Variants in TAF11 observed in about 807,000 individuals in gnomAD.
The protein encoded by TAF11 is TATA-box binding protein associated factor 11, also known as transcription initiation factor TFIID subunit 11.
A neutral mutation model predicts 23.0 loss-of-function variants in TAF11; 10 were observed. The observed-to-expected ratio is 0.43, with a 90% confidence interval of 0.27 to 0.74. The LOEUF (loss-of-function observed/expected upper bound fraction) is 0.74. TAF11 is among the 30% of genes least tolerant of loss of function. The probability of loss-of-function intolerance (pLI) is 0.19; values close to 1 mark genes in which losing one functional copy is unlikely to be tolerated. For synonymous variants in TAF11, 85 were observed against 95.8 expected, an observed-to-expected ratio of 0.89 and a Z score of 0.66; for missense variants, 196 against 261.7, an observed-to-expected ratio of 0.75 and a Z score of 1.73.
intron 4 of TAF11, chr6:34,879,471 C>T: frequency 2.1e-6 from 2 of 967,390 alleles, no homozygotes; most frequent in Non-Finnish European, 2.5e-6. Flanking sequence ...GAGACCCTGT[C>T]TCAAAAAATA....
intron 4 of TAF11, 169 bp downstream of exon 4, chr6:34,879,798 T>TTG: frequency 2.0e-6 from 2 of 985,404 alleles, no homozygotes; most frequent in Non-Finnish European, 2.4e-6. Context: ...TTATTGAAAC[T>TTG]TGCAAGGAAT....
rs1292935619 is a variant in TAF11, at chr6:34,880,703, C to T, written c.321-327G>A. ...ACACTGATGGTAAAAATTTAATATA[C>T]AAATTTATAATCAAACCAGTAGTTT... On this transcript the variant is annotated intron_variant, in intron 2 of 4. Coordinates refer to ENST00000361288, the MANE Select transcript of TAF11 (RefSeq NM_005643.4). The surrounding 1 kb of genome is among the most constrained non-coding windows in gnomAD (Gnocchi z 4.8). Among the ~76,000 whole-genome samples, 1 of 152,120 alleles carries T rather than the reference C, an allele frequency of 6.6e-6. No individual in the cohort carries two copies. The highest frequency in any genetic ancestry group is 1.5e-5 in the Non-Finnish European group (1 of 68,024).
chr6:34,886,014 G>A (rs1261039561), intron 1 of TAF11, among the ~76,000 whole-genome samples: 2 of 152,332 alleles, frequency 1.3e-5, no homozygotes, highest in Non-Finnish European at 1.5e-5. Context: ...TGTAATCCCA[G>A]CTACTGGGGA....
Position 34,883,046 on chromosome 6 carries a change from A to G in TAF11, c.206T>C (p.Val69Ala), listed in dbSNP as rs1766470891. The stretch of plus-strand genomic sequence containing the variant: ...AAGTAATGATGAGTCTTCCCTTTCA[A>G]CTGTTGTTAAATCTGAGACATCCTG... ...ESQDVSDLTT[V>A]EREDSSLLNP... is the part of the protein sequence containing the mutation. The change falls in exon 2 of 5, where the codon GTT (valine) becomes GCT (alanine). Residue 69 changes from valine (V) to alanine (A), a missense_variant. Transcript: ENST00000361288. The G allele has an allele frequency of 6.2e-7, 1 of 1,610,508 alleles. No individual in the cohort carries two copies. Among genetic ancestry groups the G allele is most frequent in the Admixed American group, 1.7e-5 (1 of 59,466 alleles).
rs1766329037 is a variant in TAF11, at chr6:34,877,613, T to A, written c.*977A>T. On this transcript the variant is annotated 3_prime_UTR_variant, in exon 5 of 5. Coordinates refer to ENST00000361288, the MANE Select transcript of TAF11 (RefSeq NM_005643.4). ...GGGGGGGGAATTATTACACTGTTTTTAACAGTGCTTGAAGTACTCTTTTAT... is the reference window on the plus strand; with the variant it reads ...GGGGGGGGAATTATTACACTGTTTTAAACAGTGCTTGAAGTACTCTTTTAT... 6.6e-6 allele frequency: 1 copy of A among 152,622 alleles called. No homozygotes were observed. Among genetic ancestry groups the A allele is most frequent in the African/African-American group, 2.4e-5 (1 of 41,442 alleles). The allele number at this position is 152,622 out of a possible 1,614,324, so 9.5% of individuals were successfully genotyped here.
chr6:34,885,074 C>G (rs1178784241), intron 1 of TAF11, among the ~76,000 whole-genome samples: 1 of 151,208 alleles, frequency 6.6e-6, no homozygotes, highest in Non-Finnish European at 1.5e-5. Context: ...CTCCTTGTTC[C>G]TACATTCTTC....
rs1766332553 is a variant in TAF11, at chr6:34,877,786, GA to G, written c.*803del. On this transcript the variant is annotated 3_prime_UTR_variant, in exon 5 of 5. Coordinates refer to ENST00000361288, the MANE Select transcript of TAF11 (RefSeq NM_005643.4). ...AAATGAATACACCTAGGGCAAGTTG[GA>G]AAACAGTTTAATGATCACTCACCAA... 6.6e-6 allele frequency: 1 copy of G among 152,074 alleles called. No homozygotes were observed. The highest frequency in any genetic ancestry group is 1.9e-4 in the East Asian group (1 of 5,194). 9.4% of individuals were successfully genotyped at this position (152,074 alleles called of 1,614,324 possible). A position where few individuals can be genotyped will look rare whatever the true frequency, so the allele number is the denominator to read the frequency against.
At chr6:34,882,671 A>T (rs1362487295) in intron 2 of TAF11, among the ~76,000 whole-genome samples, 1 of 151,238 alleles carries the variant, frequency 6.6e-6, no homozygotes, top group East Asian at 1.9e-4. Flanking sequence ...AAAAAAAAAC[A>T]TAACATAACA....
At chr6:34,884,179 G>T (rs895372288) in intron 1 of TAF11, among the ~76,000 whole-genome samples, 3 of 152,106 alleles carry the variant, frequency 2.0e-5, no homozygotes, top group Non-Finnish European at 4.4e-5. Context: ...GCCCATCAAT[G>T]GTAGACTGGA....
intron 4 of TAF11, chr6:34,879,255 C>T (rs966128421): frequency 2.4e-5 from 8 of 339,380 alleles, no homozygotes; most frequent in Non-Finnish European, 3.3e-5. Context: ...TGGTAGTGCA[C>T]GCCTACAGTC....
At chr6:34,881,581 C>T (rs1766424692) in intron 2 of TAF11, among the ~76,000 whole-genome samples, 2 of 151,630 alleles carry the variant, frequency 1.3e-5, no homozygotes, top group South Asian at 4.2e-4. Context: ...AAATAGGCTA[C>T]AAAACAGTAT....
At chr6:34,879,918 A>G (rs1274945877) in intron 4 of TAF11, 49 bp downstream of exon 4, 2 of 1,588,664 alleles carry the variant, frequency 1.3e-6, no homozygotes, top group African/African-American at 1.4e-5. Context: ...ATTCTTAAAA[A>G]TAAGACCACC....
chr6:34,887,795 C>T lies in TAF11; in HGVS notation c.163G>A (p.Glu55Lys). ...DVDLKEAAAE[E>K]GELESQDVSD... ...AGTACATCTCTTCCTACCTCGCCTT[C>T]CTCCGCTGCAGCTTCTTTCAAGTCC... The change falls in exon 1 of 5, where the codon GAA becomes AAA. Residue 55 changes from glutamate (E) to lysine (K), a missense_variant. Transcript: ENST00000361288. 2.5e-6 allele frequency: 4 copies of T among 1,614,222 alleles called. No homozygotes were observed. The South Asian group carries it at 4.4e-5, about 18-fold the overall frequency.
rs866310149 is a variant in TAF11, at chr6:34,882,651, T to A, written c.320+281A>T. On this transcript the variant is annotated intron_variant, in intron 2 of 4. Transcript: ENST00000361288. The stretch of plus-strand genomic sequence containing the variant: ...ACAGTGAGACTCTATCTCAAAAAAA[T>A]AAAAAATAAAAAAAAAAACATAACA... 1.8e-3 allele frequency among the ~76,000 whole-genome samples: 255 copies of A among 141,712 alleles called. 1 individual carries two copies. Among genetic ancestry groups the A allele is most frequent in the African/African-American group, 6.5e-3 (234 of 36,230 alleles). 93.0% of individuals were successfully genotyped at this position (141,712 alleles called of 152,430 possible). A position where few individuals can be genotyped will look rare whatever the true frequency, so the allele number is the denominator to read the frequency against.
Position 34,880,134 on chromosome 6 carries a change from T to C in TAF11, c.409-71A>G. The C allele has an allele frequency of 6.4e-7, 1 of 1,554,346 alleles. No individual in the cohort carries two copies. Among genetic ancestry groups the C allele is most frequent in the Admixed American group, 1.7e-5 (1 of 57,818 alleles). ...GGCTTTGGAACACAGTACCAAGTAA[T>C]TCACAGAAAAAGGTAAGATAACTGA... On this transcript the variant is annotated intron_variant, in intron 3 of 4. Transcript: ENST00000361288. The surrounding 1 kb of genome is among the most constrained non-coding windows in gnomAD (Gnocchi z 4.8).
At chr6:34,884,307 T>C (rs1267808629) in intron 1 of TAF11, among the ~76,000 whole-genome samples, 1 of 152,096 alleles carries the variant, frequency 6.6e-6, no homozygotes, top group Non-Finnish European at 1.5e-5. Flanking sequence ...AGCAAACTAA[T>C]GTAGGAACAG....
chr6:34,881,309 G>T (rs543582807), intron 2 of TAF11, among the ~76,000 whole-genome samples: 1 of 152,214 alleles, frequency 6.6e-6, no homozygotes, highest in South Asian at 2.1e-4. Context: ...AAAATATTTA[G>T]CTATACATAT....
Position 34,878,445 on chromosome 6 carries a change from A to G in TAF11, c.*145T>C. 1.5e-6 allele frequency: 1 copy of G among 658,860 alleles called. No homozygotes were observed. Among genetic ancestry groups the G allele is most frequent in the South Asian group, 1.8e-5 (1 of 54,996 alleles). The allele number at this position is 658,860 out of a possible 1,614,324, so 40.8% of individuals were successfully genotyped here. On this transcript the variant is annotated 3_prime_UTR_variant, in exon 5 of 5. Transcript: ENST00000361288. ...GGCTACATACTTTCTAGGTGTGACAAATATCAGAGTTTTGAGAAAGACATT... is the reference window on the plus strand; with the variant it reads ...GGCTACATACTTTCTAGGTGTGACAGATATCAGAGTTTTGAGAAAGACATT...
At chr6:34,879,930 C>G in intron 4 of TAF11, 37 bp downstream of exon 4, 1 of 1,598,634 alleles carries the variant, frequency 6.3e-7, no homozygotes, top group East Asian at 2.2e-5. Context: ...AAGACCACCA[C>G]AGGTACAATC....
Sources: gnomAD v4.1 joint callset for allele counts (sites outside exome capture counted in the v4.1 genomes callset) on GRCh38, gnomAD v4.1.1 for gene constraint, Gnocchi (gnomAD v3.1) non-coding constraint, MANE v1.5 for transcripts, NCBI Gene and HGNC (gene_info 2026-07-23, HGNC 2026-07-21) for gene names.